Variants in PDE4D observed in about 807,000 individuals in gnomAD.
PDE4D encodes phosphodiesterase 4D, also known as 3',5'-cyclic-AMP phosphodiesterase 4D.
A neutral mutation model predicts 87.4 loss-of-function variants in PDE4D; 24 were observed. The observed-to-expected ratio is 0.27, with a 90% CI of 0.20 to 0.39. The LOEUF (loss-of-function observed/expected upper bound fraction) is 0.39. Ranked by LOEUF, PDE4D falls within the 10% of genes least tolerant of loss-of-function variation. The pLI is 1.00. For missense variants in PDE4D, 714 were observed against 1,041.0 expected (o/e 0.69, Z 4.32); for synonymous variants, 384 against 383.2 (o/e 1.00, Z -0.02).
intron 5 of PDE4D, among the ~76,000 whole-genome samples, chr5:59,127,926 C>T (rs1466575962): frequency 1.3e-5 from 2 of 151,834 alleles, no homozygotes; most frequent in African/African-American, 4.8e-5. Flanking sequence ...GACTTTGTTC[C>T]TTAGCGTTCT....
chr5:59,945,317 T>C (rs1757621110), intron 3 of PDE4D, among the ~76,000 whole-genome samples: 1 of 152,204 alleles, frequency 6.6e-6, no homozygotes, highest in African/African-American at 2.4e-5. Context: ...GGAAGAATAA[T>C]ATTTGAATTA....
chr5:60,297,198 A>T (rs549152570), intron 1 of PDE4D, among the ~76,000 whole-genome samples: 1 of 152,364 alleles, frequency 6.6e-6, no homozygotes, highest in Non-Finnish European at 1.5e-5. Context: ...GATTCAAAAT[A>T]ATTTAAAAGC....
intron 1 of PDE4D, among the ~76,000 whole-genome samples, chr5:60,195,404 T>C (rs1741100458): frequency 6.6e-6 from 1 of 151,750 alleles, no homozygotes; most frequent in Admixed American, 6.6e-5. Flanking sequence ...GCTTAGTAAA[T>C]GTTTACTGAT....
At chr5:59,623,623 A>C (rs992495724) in intron 1 of PDE4D, among the ~76,000 whole-genome samples, 1 of 152,146 alleles carries the variant, frequency 6.6e-6, no homozygotes, top group Non-Finnish European at 1.5e-5. Flanking sequence ...TCATGAGAAC[A>C]ACCAGGTCCC....
rs193027706 is a variant in PDE4D at position 60,006,345 on chromosome 5, T to G, written c.43-17628A>C. ...CTGTACTTTTGCATATATTTGAAAT[T>G]CTCAACTACGTATTTTTAAGTATAA... is the stretch of plus-strand genomic sequence containing the variant. On this transcript the variant is annotated intron_variant, in intron 2 of 16. Transcript: ENST00000502484. 4.5e-4 allele frequency among the ~76,000 whole-genome samples: 69 copies of G among 152,026 alleles called. 1 individual carries two copies. Among genetic ancestry groups the G allele is most frequent in the Non-Finnish European group, 6.8e-4 (46 of 67,894 alleles).
At chr5:59,082,673 T>G (rs569532817) in intron 5 of PDE4D, among the ~76,000 whole-genome samples, 3 of 152,088 alleles carry the variant, frequency 2.0e-5, no homozygotes, top group Non-Finnish European at 4.4e-5. Flanking sequence ...TGAAGGACAT[T>G]TTTAAAAACT....
At chr5:60,017,487 C>A (rs1180417062) in intron 2 of PDE4D, among the ~76,000 whole-genome samples, 1 of 152,036 alleles carries the variant, frequency 6.6e-6, no homozygotes, top group Non-Finnish European at 1.5e-5. Flanking sequence ...GTGTTGTTCC[C>A]CTCCCTTTGT....
chr5:59,881,214 A>G lies in PDE4D; in HGVS notation c.455+11954T>C, dbSNP rs574952848. Among the ~76,000 whole-genome samples, 3 of 152,320 alleles carry G rather than the reference A, an allele frequency of 2.0e-5. No individual in the cohort carries two copies. The East Asian group carries it at 5.8e-4, about 29-fold the overall frequency. On this transcript the variant is annotated intron_variant, in intron 1 of 14. Transcript: ENST00000340635. ...ACAGGAGTAGCTGTGGGCATTTTATATATGTTTAAACCAAGCTAACAGAAT... is the reference window on the plus strand; with the variant it reads ...ACAGGAGTAGCTGTGGGCATTTTATGTATGTTTAAACCAAGCTAACAGAAT...
At chr5:59,183,718 G>A (rs572422416) in intron 4 of PDE4D, among the ~76,000 whole-genome samples, 2 of 152,138 alleles carry the variant, frequency 1.3e-5, no homozygotes, top group African/African-American at 2.4e-5. Context: ...GACATTGCAC[G>A]GCCACGTTAC....
intron 2 of PDE4D, among the ~76,000 whole-genome samples, chr5:60,077,507 A>G (rs1307422579): frequency 6.6e-6 from 1 of 152,102 alleles, no homozygotes; most frequent in Non-Finnish European, 1.5e-5. Context: ...CTACCTGGGG[A>G]CTGCACTGCA....
intron 1 of PDE4D, among the ~76,000 whole-genome samples, chr5:59,448,736 G>T (rs990126282): frequency 6.6e-6 from 1 of 152,106 alleles, no homozygotes; most frequent in Non-Finnish European, 1.5e-5. Flanking sequence ...GGACTCACAC[G>T]ATCCTCCCAT....
chr5:59,254,012 T>C (rs1760493287), intron 1 of PDE4D, among the ~76,000 whole-genome samples: 1 of 152,172 alleles, frequency 6.6e-6, no homozygotes, highest in South Asian at 2.1e-4. Context: ...GTTTCATGTA[T>C]AACCACTATA....
chr5:59,425,164 G>A (rs1393855715), intron 1 of PDE4D, among the ~76,000 whole-genome samples: 1 of 152,132 alleles, frequency 6.6e-6, no homozygotes, highest in Admixed American at 6.6e-5. Flanking sequence ...TAAAAGTGTA[G>A]CAGTTGTCCA....
chr5:58,996,662 A>G (rs1749307942), intron 6 of PDE4D, among the ~76,000 whole-genome samples: 1 of 152,320 alleles, frequency 6.6e-6, no homozygotes, highest in East Asian at 1.9e-4. Context: ...TAACTTGTAC[A>G]CAAACTAGTA....
At chr5:60,136,416 A>G (rs1400369968) in intron 2 of PDE4D, among the ~76,000 whole-genome samples, 4 of 151,914 alleles carry the variant, frequency 2.6e-5, no homozygotes, top group African/African-American at 9.7e-5. Context: ...TTCCAGGTAC[A>G]AGTAATTTCT....
At chr5:59,788,500 A>T (rs1459169771) in intron 1 of PDE4D, among the ~76,000 whole-genome samples, 2 of 152,246 alleles carry the variant, frequency 1.3e-5, no homozygotes, top group Non-Finnish European at 2.9e-5. Flanking sequence ...TCCGTACAGT[A>T]TCAGGAACAA....
chr5:60,225,557 C>T (rs1269261655), intron 1 of PDE4D, among the ~76,000 whole-genome samples: 1 of 152,084 alleles, frequency 6.6e-6, no homozygotes, highest in South Asian at 2.1e-4. Flanking sequence ...TTCATTTGTT[C>T]AATCATCTGA....
At chr5:60,409,662 A>G (rs1163415007) in intron 1 of PDE4D, among the ~76,000 whole-genome samples, 1 of 152,232 alleles carries the variant, frequency 6.6e-6, no homozygotes, top group East Asian at 1.9e-4. Context: ...AGACAGATAA[A>G]GGAAGAAGGA....
At chr5:59,551,471 T>TCACACACA (rs34301317) in intron 1 of PDE4D, among the ~76,000 whole-genome samples, 83 of 148,874 alleles carry the variant, frequency 5.6e-4, no homozygotes, top group African/African-American at 1.7e-3. Context: ...GCTACTTCAG[T>TCACACACA]CACACACACA....
Sources: gnomAD v4.1 joint callset for allele counts (sites outside exome capture counted in the v4.1 genomes callset) on GRCh38, gnomAD v4.1.1 for gene constraint, MANE v1.5 for transcripts, NCBI Gene and HGNC (gene_info 2026-07-23, HGNC 2026-07-21) for gene names.